SPTLC2: variants seen among roughly 807,000 people sequenced by gnomAD.
SPTLC2 encodes serine palmitoyltransferase long chain base subunit 2.
SPTLC2 carries 21 observed loss-of-function variants against 62.0 expected under a neutral mutation model. The ratio of observed to expected loss-of-function variants is 0.34; its 90% confidence interval spans 0.24 to 0.49. The LOEUF (loss-of-function observed/expected upper bound fraction) is 0.49. Ranked by LOEUF, SPTLC2 falls within the 20% of genes least tolerant of loss-of-function variation. The pLI, the probability that SPTLC2 is intolerant of heterozygous loss-of-function variation, is 0.99. For synonymous variants in SPTLC2, 261 were observed against 261.8 expected, an observed-to-expected ratio of 1.00 and a Z score of 0.03; for missense variants, 511 against 713.0, an observed-to-expected ratio of 0.72 and a Z score of 3.23.
chr14:77,530,416 C>A (rs2079432395), intron 9 of SPTLC2, among the ~76,000 whole-genome samples: 1 of 152,112 alleles, frequency 6.6e-6, no homozygotes, highest in Non-Finnish European at 1.5e-5. Flanking sequence ...ACAACCTCCA[C>A]CTCCTAGGTT....
intron 1 of SPTLC2, among the ~76,000 whole-genome samples, chr14:77,604,325 T>G (rs1207858670): frequency 2.0e-5 from 3 of 152,184 alleles, no homozygotes; most frequent in African/African-American, 7.2e-5. Flanking sequence ...CCAAGAGCTG[T>G]GCCAATTCCT....
intron 9 of SPTLC2, among the ~76,000 whole-genome samples, chr14:77,529,620 C>CTTTCTTTCTTTT (rs1555373703): frequency 1.3e-5 from 1 of 76,048 alleles, no homozygotes; most frequent in Non-Finnish European, 2.7e-5. Context: ...TTCTTTCTTT[C>CTTTCTTTCTTTT]TTTTTTTTTT....
chr14:77,572,923 C>T (rs180865839), intron 4 of SPTLC2, among the ~76,000 whole-genome samples: 2 of 152,338 alleles, frequency 1.3e-5, no homozygotes, highest in African/African-American at 2.4e-5. Flanking sequence ...GTTGTGGCTG[C>T]TTTGATCTTT....
chr14:77,601,203 T>C (rs565861266), intron 1 of SPTLC2, among the ~76,000 whole-genome samples: 13 of 152,336 alleles, frequency 8.5e-5, no homozygotes, highest in Non-Finnish European at 1.5e-5. Context: ...CGTATACATC[T>C]AGCTGGCCTG....
Position 77,515,542 on chromosome 14 carries a change from C to CTTTTTTT in SPTLC2, c.1569+2489_1569+2495dup, listed in dbSNP as rs71128633. ...AATTAGCCAGTGTACAAGGGAAAGG[C>CTTTTTTT]TTTTTTTTTTTTTTTTTTTTTTTTT... On this transcript the variant is annotated intron_variant, in intron 11 of 11. Transcript: ENST00000216484. Among the ~76,000 whole-genome samples, 10 of 124,730 alleles carry CTTTTTTT rather than the reference C, an allele frequency of 8.0e-5. 1 individual carries two copies. Among genetic ancestry groups the CTTTTTTT allele is most frequent in the African/African-American group, 1.7e-4 (5 of 28,590 alleles). 81.8% of individuals were successfully genotyped at this position (124,730 alleles called of 152,430 possible).
intron 8 of SPTLC2, chr14:77,555,047 A>T (rs1399900401): frequency 4.0e-6 from 2 of 497,542 alleles, no homozygotes; most frequent in East Asian, 7.8e-5. Context: ...GTTCTTTCAC[A>T]CAAGAGGGTA....
At chr14:77,605,890 G>A (rs1415139681) in intron 1 of SPTLC2, among the ~76,000 whole-genome samples, 3 of 152,186 alleles carry the variant, frequency 2.0e-5, no homozygotes, top group Non-Finnish European at 4.4e-5. Context: ...ATACTACACC[G>A]AACTGAAGGA....
intron 4 of SPTLC2, among the ~76,000 whole-genome samples, chr14:77,573,147 G>A (rs1218512207): frequency 1.3e-5 from 2 of 152,138 alleles, no homozygotes; most frequent in African/African-American, 2.4e-5. Flanking sequence ...CATGGAGGTA[G>A]CGAGTAAAAC....
At chr14:77,614,241 A>T (rs1483102851) in intron 1 of SPTLC2, among the ~76,000 whole-genome samples, 1 of 152,236 alleles carries the variant, frequency 6.6e-6, no homozygotes. Flanking sequence ...AAATTGTTAG[A>T]GATTATGGGA....
intron 4 of SPTLC2, among the ~76,000 whole-genome samples, chr14:77,576,473 A>G (rs907967830): frequency 1.3e-5 from 2 of 152,206 alleles, no homozygotes; most frequent in Non-Finnish European, 2.9e-5. Context: ...AACCACTAAC[A>G]TTTGCAAAAG....
At chr14:77,575,270 G>C (rs909642232) in intron 4 of SPTLC2, among the ~76,000 whole-genome samples, 1 of 152,122 alleles carries the variant, frequency 6.6e-6, no homozygotes, top group Non-Finnish European at 1.5e-5. Context: ...TAAATAAATA[G>C]ATATAAAAAT....
intron 9 of SPTLC2, among the ~76,000 whole-genome samples, chr14:77,533,538 G>A (rs768026864): frequency 1.9e-4 from 29 of 152,144 alleles, no homozygotes; most frequent in Admixed American, 3.3e-4. Flanking sequence ...AGCAGGGAGT[G>A]TACACGCAAG....
At chr14:77,615,180 A>T (rs1328303263) in intron 1 of SPTLC2, among the ~76,000 whole-genome samples, 1 of 152,120 alleles carries the variant, frequency 6.6e-6, no homozygotes, top group Non-Finnish European at 1.5e-5. Flanking sequence ...TCCCTCACAC[A>T]ATTATTTCTT....
At chr14:77,564,958 A>C (rs1955732854) in intron 5 of SPTLC2, among the ~76,000 whole-genome samples, 1 of 152,060 alleles carries the variant, frequency 6.6e-6, no homozygotes, top group African/African-American at 2.4e-5. Flanking sequence ...CACCAAGGTA[A>C]GCCGGGTGCG....
intron 9 of SPTLC2, among the ~76,000 whole-genome samples, chr14:77,551,430 T>A (rs1171177417): frequency 6.7e-6 from 1 of 148,814 alleles, no homozygotes; most frequent in Non-Finnish European, 1.5e-5. Flanking sequence ...AGTGAAATTA[T>A]TGTCTCATAC....
chr14:77,591,730 G>GTATGTATGTATGTATGTATGTATGTATT (rs372095112), intron 2 of SPTLC2, among the ~76,000 whole-genome samples: 4 of 131,174 alleles, frequency 3.0e-5, no homozygotes, highest in African/African-American at 5.5e-5. Flanking sequence ...ATGTATGTAT[G>GTATGTATGTATGTATGTATGTATGTATT]TATTTATTTT....
Position 77,593,608 on chromosome 14 carries a change from C to T in SPTLC2, c.327+3578G>A, listed in dbSNP as rs189217985. Reference sequence around the variant, plus strand: ...ATAAAATAGAACAAACTCATGGTAACTCATCTTTATTGGTATGATCATGTG... The same window carrying T: ...ATAAAATAGAACAAACTCATGGTAATTCATCTTTATTGGTATGATCATGTG... On this transcript the variant is annotated intron_variant, in intron 2 of 11. Transcript: ENST00000216484. Among the ~76,000 whole-genome samples the T allele has an allele frequency of 7.7e-4, 117 of 152,264 alleles. 1 individual carries two copies. Among genetic ancestry groups the T allele is most frequent in the Admixed American group, 3.9e-3 (59 of 15,300 alleles).
At chr14:77,561,391 A>T (rs552252719) in intron 6 of SPTLC2, among the ~76,000 whole-genome samples, 36 of 152,072 alleles carry the variant, frequency 2.4e-4, no homozygotes, top group African/African-American at 8.2e-4. Flanking sequence ...GGGAGGATCA[A>T]CTGAAGTCGG....
At chr14:77,575,396 A>G (rs557731052) in intron 4 of SPTLC2, among the ~76,000 whole-genome samples, 1 of 152,236 alleles carries the variant, frequency 6.6e-6, no homozygotes, top group South Asian at 2.1e-4. Flanking sequence ...TCCCATTTGG[A>G]GGTGGAGGAG....
Sources: gnomAD v4.1 joint callset for allele counts (sites outside exome capture counted in the v4.1 genomes callset) on GRCh38, gnomAD v4.1.1 for gene constraint, MANE v1.5 for transcripts, NCBI Gene and HGNC (gene_info 2026-07-23, HGNC 2026-07-21) for gene names.